Variants in S1PR3 observed in about 807,000 individuals in gnomAD.
S1PR3 encodes the protein sphingosine-1-phosphate receptor 3, also known as sphingosine 1-phosphate receptor 3.
S1PR3 carries 12 observed loss-of-function variants against 13.3 expected under a neutral mutation model. The ratio of observed to expected loss-of-function variants is 0.90; its 90% CI spans 0.58 to 1.46. The LOEUF (loss-of-function observed/expected upper bound fraction) is 1.46. Among genes scored for constraint, S1PR3 ranks in the 40% most tolerant of loss-of-function variants. The probability of loss-of-function intolerance (pLI) is 0.00; values close to 1 mark genes in which losing one functional copy is unlikely to be tolerated. For synonymous variants in S1PR3, 232 were observed against 214.0 expected (o/e 1.08, Z -0.73); for missense variants, 450 against 501.9 (o/e 0.90, Z 0.99).
chr9:88,992,409 T>TC, intron 1 of S1PR3: 1 of 202,024 alleles, frequency 4.9e-6, no homozygotes. Context: ...GGAACACACT[T>TC]CGTTTTGACC....
rs770500840 is a variant in S1PR3, at chr9:89,002,167, G to T, written c.967G>T (p.Ala323Ser). The T allele has an allele frequency of 2.2e-5, 36 of 1,613,732 alleles. No homozygotes were observed. The highest frequency in any genetic ancestry group is 1.8e-4 in the Admixed American group (11 of 59,992). ...CAACTGCCTGGTCAGGGGACGGGGG[G>T]CCCGCGCCTCACCCATCCAGCCTGC... ...VCNCLVRGRG[A>S]RASPIQPALD... The change falls in exon 2 of 2, where the codon GCC becomes TCC. Residue 323 changes from alanine (A) to serine (S), a missense_variant. By Grantham distance (99) the Ala-to-Ser change is moderately conservative. Transcript: ENST00000358157.
In S1PR3 at chr9:89,000,936, G is replaced by C; in HGVS notation, c.-147-118G>C. ...CTAAAGACCCTCTCTGCAGCCTGAC[G>C]TGGCTAGCCATCCCAGTACTTCCAC... On this transcript the variant is annotated intron_variant, in intron 1 of 1. Transcript: ENST00000358157. The C allele has an allele frequency of 5.9e-6, 3 of 505,024 alleles. No homozygotes were observed. The South Asian group carries it at 7.1e-5, about 12-fold the overall frequency. The allele number at this position is 505,024 out of a possible 1,614,324, so 31.3% of individuals were successfully genotyped here.
rs1825896973 is a variant in S1PR3, at chr9:89,003,561, G to T, written c.*1224G>T. The T allele has an allele frequency of 6.0e-6, 1 of 167,120 alleles. No homozygotes were observed. The highest frequency in any genetic ancestry group is 2.1e-4 in the South Asian group (1 of 4,832). The allele number at this position is 167,120 out of a possible 1,614,324, so 10.4% of individuals were successfully genotyped here. ...GAACCCGTAGCAGTCTGTTTACCTTGTAAAGGGATTACTTAGAAGACATTT... is the reference window on the plus strand; with the variant it reads ...GAACCCGTAGCAGTCTGTTTACCTTTTAAAGGGATTACTTAGAAGACATTT... On this transcript the variant is annotated 3_prime_UTR_variant, in exon 2 of 2. Transcript: ENST00000358157.
intron 1 of S1PR3, chr9:89,000,435 T>C (rs1825853034): frequency 6.6e-6 from 1 of 152,430 alleles, no homozygotes; most frequent in Non-Finnish European, 1.5e-5. Flanking sequence ...GAGTGCGGTG[T>C]CTGCATGGGC....
chr9:89,001,168 AT>A lies in S1PR3; in HGVS notation c.-29del. On this transcript the variant is annotated 5_prime_UTR_variant, in exon 2 of 2. The change abolishes the stop of an existing upstream ORF in the 5' untranslated region. Coordinates refer to ENST00000358157, the MANE Select transcript of S1PR3 (RefSeq NM_005226.4). ...ATGTTCCTGGGGCGCCCTCTCGTGG[AT>A]TTTGGAGCTAATCGTCTGTGAATGC... The A allele has an allele frequency of 6.2e-7, 1 of 1,602,816 alleles. No individual in the cohort carries two copies. Among genetic ancestry groups the A allele is most frequent in the Non-Finnish European group, 8.5e-7 (1 of 1,173,178 alleles).
chr9:89,001,028 C>T (rs549747008), intron 1 of S1PR3, 26 bp from the exon 2 acceptor site: 11 of 696,930 alleles, frequency 1.6e-5, no homozygotes, highest in Non-Finnish European at 2.6e-5. Flanking sequence ...TATCAATGGT[C>T]GCTCCCTCTT....
upstream of S1PR3, chr9:88,991,312 A>C: frequency 7.6e-7 from 1 of 1,319,170 alleles, no homozygotes; most frequent in Non-Finnish European, 9.9e-7. The surrounding 1 kb of genome is among the most constrained non-coding windows in gnomAD (Gnocchi z 4.0). Context: ...CTTGAGCGGG[A>C]GGTGGGGAGC....
At chr9:88,991,035 C>G (rs1199242105), upstream of S1PR3, 2 of 1,613,390 alleles carry the variant, frequency 1.2e-6, no homozygotes, top group Non-Finnish European at 1.7e-6. This position sits in a 1 kb window ranked among gnomAD's most constrained non-coding sequence, Gnocchi z 4.0. Flanking sequence ...AGTATTAATC[C>G]TCCTATTAAG....
chr9:88,996,287 T>A (rs1464276298), intron 1 of S1PR3: 8 of 152,022 alleles, frequency 5.3e-5, no homozygotes, highest in African/African-American at 1.9e-4. Flanking sequence ...CGCTCACAAA[T>A]CAACATCGAC....
At position 89,001,524 on chromosome 9, in the gene S1PR3, C is replaced by T. The variant is rs1825867091; in HGVS notation, c.324C>T (p.Pro108=). The change falls in exon 2 of 2, where the codon CCC becomes CCT. Residue 108 remains proline (P), a synonymous_variant. Coordinates refer to ENST00000358157, the MANE Select transcript of S1PR3 (RefSeq NM_005226.4). ...MSGKKTFSLS[P]TVWFLREGSM... ...GCAAGAAGACGTTCAGCCTGTCTCC[C>T]ACGGTCTGGTTCCTCAGGGAGGGCA... is the stretch of plus-strand genomic sequence containing the variant. 6.2e-7 allele frequency: 1 copy of T among 1,614,254 alleles called. No homozygotes were observed. The highest frequency in any genetic ancestry group is 8.5e-7 in the Non-Finnish European group (1 of 1,180,042).
chr9:88,992,159 G>A, intron 1 of S1PR3: 1 of 857,830 alleles, frequency 1.2e-6, no homozygotes, highest in Non-Finnish European at 1.8e-6. Context: ...GCTGGAAGAC[G>A]AAGTCCCCAC....
At chr9:88,994,232 AC>A (rs199566425) in intron 1 of S1PR3, 4,326 of 166,216 alleles carry the variant, frequency 0.026, 90 homozygotes, top group Middle Eastern at 0.1. Flanking sequence ...GACAAGTGAC[AC>A]CCCCCCTCCC....
intron 1 of S1PR3, chr9:88,999,417 T>C (rs1316278109): frequency 3.9e-5 from 6 of 152,180 alleles, no homozygotes; most frequent in African/African-American, 1.2e-4. Context: ...GTCACGAGGA[T>C]ACAGAAACCA....
rs764521861 is a variant in S1PR3 at position 89,002,132 on chromosome 9, G to A, written c.932G>A (p.Arg311His). The change falls in exon 2 of 2, where the codon CGT becomes CAT. Residue 311 changes from arginine to histidine, a missense_variant. Coordinates refer to ENST00000358157, the MANE Select transcript of S1PR3 (RefSeq NM_005226.4). ...ASKEMRRAFF[R>H]LVCNCLVRGR... The stretch of plus-strand genomic sequence containing the variant: ...AAGGAGATGCGGCGGGCCTTCTTCC[G>A]TCTGGTCTGCAACTGCCTGGTCAGG... 8 of 1,613,548 alleles carry A rather than the reference G, an allele frequency of 5.0e-6. No homozygotes were observed. The highest frequency in any genetic ancestry group is 4.0e-5 in the African/African-American group (3 of 74,856).
In S1PR3 at chr9:89,002,064, G is replaced by C. The variant is rs1248507506; in HGVS notation, c.864G>C (p.Val288=). ...CTCAGTGGTTCATCGTGTTGGCTGT[G>C]CTCAACTCCGCCATGAACCCGGTCA... ...FKAQWFIVLA[V]LNSAMNPVIY... is the part of the protein sequence containing the mutation. Residue 288 remains valine, a synonymous_variant, in exon 2 of 2, where the codon GTG becomes GTC. Coordinates refer to ENST00000358157, the MANE Select transcript of S1PR3 (RefSeq NM_005226.4). 1 of 1,613,862 alleles carries C rather than the reference G, an allele frequency of 6.2e-7. No individual in the cohort carries two copies. Among genetic ancestry groups the C allele is most frequent in the Middle Eastern group, 1.6e-4 (1 of 6,062 alleles).
intron 1 of S1PR3, chr9:88,992,272 G>C (rs961844768): frequency 7.3e-6 from 3 of 411,450 alleles, no homozygotes; most frequent in Non-Finnish European, 1.3e-5. Flanking sequence ...CCAATAGTCA[G>C]TCTCTCTCTC....
At chr9:88,998,148 A>C (rs1283576623) in intron 1 of S1PR3, 1 of 152,252 alleles carries the variant, frequency 6.6e-6, no homozygotes, top group Non-Finnish European at 1.5e-5. Flanking sequence ...GTGATTCTCC[A>C]GTTCCTGTTC....
chr9:88,991,618 C>T lies in S1PR3; in HGVS notation c.-225C>T. On this transcript the variant is annotated 5_prime_UTR_variant, in exon 1 of 2. Transcript: ENST00000358157. This position sits in a 1 kb window ranked among gnomAD's most constrained non-coding sequence, Gnocchi z 4.0. ...CCTCCCAGCCCATCTGGCATTCGAG[C>T]GCAGGACCGGGCGCCCCGGCACCGC... The T allele has an allele frequency of 6.5e-7, 1 of 1,538,620 alleles. No individual in the cohort carries two copies. Among genetic ancestry groups the T allele is most frequent in the Non-Finnish European group, 8.7e-7 (1 of 1,142,874 alleles).
rs1268496613 is a variant in S1PR3, at chr9:89,001,485, C to T, written c.285C>T (p.Asn95=). 1.9e-6 allele frequency: 3 copies of T among 1,614,242 alleles called. No homozygotes were observed. Among genetic ancestry groups the T allele is most frequent in the East Asian group, 4.5e-5 (2 of 44,882 alleles). ...DLLAGIAYKV[N]ILMSGKKTFS... ...TGGCCGGCATCGCTTACAAGGTCAACATTCTGATGTCTGGCAAGAAGACGT... is the reference window on the plus strand; with the variant it reads ...TGGCCGGCATCGCTTACAAGGTCAATATTCTGATGTCTGGCAAGAAGACGT... Residue 95 remains asparagine, a synonymous_variant, in exon 2 of 2, where the codon AAC becomes AAT. Transcript: ENST00000358157.
Sources: allele counts gnomAD v4.1 joint callset, GRCh38; gene constraint gnomAD v4.1.1; non-coding constraint Gnocchi (gnomAD v3.1); transcripts MANE v1.5; gene names NCBI Gene and HGNC (gene_info 2026-07-23, HGNC 2026-07-21).